VPS13A: variants seen among roughly 807,000 people sequenced by gnomAD.
VPS13A encodes the protein vacuolar protein sorting 13 homolog A.
In VPS13A, 264 loss-of-function variants were observed where a neutral mutation model predicts 390.9. That is an observed-to-expected ratio of 0.68 (90% confidence interval 0.61 to 0.75). The LOEUF (loss-of-function observed/expected upper bound fraction) is 0.75, where lower values mean the gene tolerates loss of function less well. VPS13A is among the 30% of genes least tolerant of loss of function. VPS13A has a pLI of 0.00. For missense variants in VPS13A, 3,409 were observed against 3,733.9 expected, an observed-to-expected ratio of 0.91 and a Z score of 2.27; for synonymous variants, 1,231 against 1,227.1, an observed-to-expected ratio of 1.00 and a Z score of -0.07.
chr9:77,385,814 T>A (rs1833659184), intron 68 of VPS13A, among the ~76,000 whole-genome samples: 1 of 152,096 alleles, frequency 6.6e-6, no homozygotes, highest in Admixed American at 6.6e-5. Context: ...TTTCTGAGTC[T>A]CCTCTAATTC....
intron 31 of VPS13A, among the ~76,000 whole-genome samples, chr9:77,290,838 G>A (rs1827610442): frequency 1.3e-5 from 2 of 151,958 alleles, no homozygotes; most frequent in South Asian, 4.2e-4. Flanking sequence ...ATCTATTCAT[G>A]CATATGTTCC....
At chr9:77,406,102 G>GTGGT (rs1392023670) in intron 70 of VPS13A, 115 bp downstream of exon 70, 1 of 1,420,430 alleles carries the variant, frequency 7.0e-7, no homozygotes, top group East Asian at 2.4e-5. Flanking sequence ...TTGTCCTGGT[G>GTGGT]TGGTTTTCCC....
intron 1 of VPS13A, among the ~76,000 whole-genome samples, chr9:77,198,556 G>A (rs1589983756): frequency 6.7e-6 from 1 of 149,576 alleles, no homozygotes; most frequent in African/African-American, 2.5e-5. Flanking sequence ...TTTTGCATGG[G>A]CTTACTTTTT....
At chr9:77,250,970 A>G (rs1028787033) in intron 21 of VPS13A, among the ~76,000 whole-genome samples, 31 of 152,352 alleles carry the variant, frequency 2.0e-4, no homozygotes, top group African/African-American at 7.5e-4. Flanking sequence ...GAAGAGATCC[A>G]TATGTAGAGA....
intron 5 of VPS13A, among the ~76,000 whole-genome samples, chr9:77,207,213 T>TTATGTATATA (rs1554859895): frequency 2.3e-5 from 1 of 43,096 alleles, no homozygotes; most frequent in Non-Finnish European, 5.2e-5. Flanking sequence ...TATTTAGATA[T>TTATGTATATA]TATATATATA....
In VPS13A at chr9:77,323,140, CAG is replaced by C. The variant is rs1251833565; in HGVS notation, c.5909_5910del (p.Glu1970ValfsTer4). The C allele has an allele frequency of 3.7e-6, 6 of 1,613,538 alleles. No individual in the cohort carries two copies. The highest frequency in any genetic ancestry group is 5.1e-6 in the Non-Finnish European group (6 of 1,179,626). On this transcript the variant is annotated frameshift_variant, in exon 45 of 72. Transcript: ENST00000360280. LOFTEE classifies it high-confidence loss of function. ...GACGACGTCTGTACACTGTAAGACA[CAG>C]AGAGTCTGGCGTTGAAAGATCTATT... ...VGRRLYTVRH[R>X]ESGVERSIVC... is the part of the protein sequence containing the mutation.
chr9:77,283,299 G>GAGGTAA, intron 29 of VPS13A, 56 bp from the exon 30 acceptor site: 1 of 978,838 alleles, frequency 1.0e-6, no homozygotes, highest in South Asian at 1.4e-5. Flanking sequence ...TAAGTATAGT[G>GAGGTAA]AGGTAACTAC....
Position 77,370,180 on chromosome 9 carries a change from G to A in VPS13A, c.8668-77G>A, listed in dbSNP as rs765694295. ...ATCCATTTTTGTTACTACCTCTTTC[G>A]TCGTATATATCCGTAAGCTCATCTT... is the stretch of plus-strand genomic sequence containing the variant. On this transcript the variant is annotated intron_variant, in intron 63 of 71. Transcript: ENST00000360280. 4.5e-5 allele frequency: 69 copies of A among 1,519,148 alleles called. 1 individual carries two copies. The highest frequency in any genetic ancestry group is 1.5e-4 in the South Asian group (13 of 87,440). The allele number at this position is 1,519,148 out of a possible 1,614,324, so 94.1% of individuals were successfully genotyped here. A position where few individuals can be genotyped will look rare whatever the true frequency, so the allele number is the denominator to read the frequency against.
chr9:77,264,908 A>G (rs1282667503), intron 23 of VPS13A, among the ~76,000 whole-genome samples: 1 of 152,204 alleles, frequency 6.6e-6, no homozygotes, highest in Non-Finnish European at 1.5e-5. Flanking sequence ...GTTTTTGCCC[A>G]TTCAGTATGA....
At chr9:77,229,823 A>G (rs984317870) in intron 17 of VPS13A, among the ~76,000 whole-genome samples, 3 of 152,132 alleles carry the variant, frequency 2.0e-5, no homozygotes, top group African/African-American at 7.2e-5. Context: ...AATACTATTT[A>G]ACCTTTTGAG....
At chr9:77,188,209 T>TG (rs1824463946) in intron 1 of VPS13A, among the ~76,000 whole-genome samples, 1 of 152,180 alleles carries the variant, frequency 6.6e-6, no homozygotes, top group African/African-American at 2.4e-5. Flanking sequence ...GGCAGATAGA[T>TG]GCTGGTGCCA....
chr9:77,244,929 C>A (rs910956524), intron 19 of VPS13A, among the ~76,000 whole-genome samples: 60 of 152,024 alleles, frequency 3.9e-4, no homozygotes, highest in Admixed American at 5.2e-4. Context: ...TAAGAAAGAG[C>A]CTTCAAGGTG....
At chr9:77,389,224 A>G (rs1273036964) in intron 68 of VPS13A, among the ~76,000 whole-genome samples, 1 of 152,100 alleles carries the variant, frequency 6.6e-6, no homozygotes, top group African/African-American at 2.4e-5. Context: ...ACTTCTAAAG[A>G]TTAAAAAAGC....
chr9:77,408,590 C>A (rs1834742385), intron 71 of VPS13A, among the ~76,000 whole-genome samples: 1 of 152,220 alleles, frequency 6.6e-6, no homozygotes, highest in African/African-American at 2.4e-5. Context: ...GTCACTCCCA[C>A]CCTAATACTG....
rs887196678 is a variant in VPS13A at position 77,318,709 on chromosome 9, A to G, written c.5313+118A>G. 11 of 1,080,148 alleles carry G rather than the reference A, an allele frequency of 1.0e-5. No homozygotes were observed. In the African/African-American group the frequency reaches 1.8e-4, roughly 17 times the overall value. 66.9% of individuals were successfully genotyped at this position (1,080,148 alleles called of 1,614,324 possible). A position where few individuals can be genotyped will look rare whatever the true frequency, so the allele number is the denominator to read the frequency against. On this transcript the variant is annotated intron_variant, in intron 41 of 71. Transcript: ENST00000360280. ...GTAGCTATTTAAGCTTATTGTAAATATGATATTGGGTCAAAAACTTTTAGA... is the reference window on the plus strand; with the variant it reads ...GTAGCTATTTAAGCTTATTGTAAATGTGATATTGGGTCAAAAACTTTTAGA...
At chr9:77,302,367 CCTTT>C (rs1381938647) in intron 33 of VPS13A, among the ~76,000 whole-genome samples, 4 of 136,044 alleles carry the variant, frequency 2.9e-5, no homozygotes, top group African/African-American at 1.1e-4. Context: ...ATATTTTTCC[CCTTT>C]TTTTTTTTTT....
intron 4 of VPS13A, 103 bp from the exon 5 acceptor site, chr9:77,205,875 C>G (rs1043229167): frequency 3.5e-6 from 3 of 865,262 alleles, no homozygotes; most frequent in Non-Finnish European, 5.4e-6. Flanking sequence ...CAGGCATGAG[C>G]CACCGCGCCC....
chr9:77,308,067 A>C lies in VPS13A; in HGVS notation c.4083A>C (p.Gly1361=). ...AAGACCAATACAGTGCCACTAGTGG[A>C]GTTACTACTAATGCTTCACACCATT... ...VTKDQYSATS[G]VTTNASHHSG... is the part of the protein sequence containing the mutation. Residue 1361 remains glycine (G), a synonymous_variant, in exon 35 of 72, where the codon GGA becomes GGC. Coordinates refer to ENST00000360280, the MANE Select transcript of VPS13A (RefSeq NM_033305.3). The C allele has an allele frequency of 1.2e-6, 2 of 1,613,992 alleles. No homozygotes were observed. The highest frequency in any genetic ancestry group is 4.5e-5 in the East Asian group (2 of 44,816).
At chr9:77,383,251 TTTAG>T (rs1353022090) in intron 68 of VPS13A, among the ~76,000 whole-genome samples, 1 of 152,008 alleles carries the variant, frequency 6.6e-6, no homozygotes, top group Non-Finnish European at 1.5e-5. Context: ...ATATGCAATA[TTTAG>T]TTAAGTGATT....
Sources: gnomAD v4.1 joint callset for allele counts (sites outside exome capture counted in the v4.1 genomes callset) on GRCh38, gnomAD v4.1.1 for gene constraint, MANE v1.5 for transcripts, NCBI Gene and HGNC (gene_info 2026-07-23, HGNC 2026-07-21) for gene names.